Variants in FMR1 observed in about 807,000 individuals in gnomAD.
FMR1 encodes the protein FMRP translational regulator 1.
A neutral mutation model predicts 50.6 loss-of-function variants in FMR1; 13 were observed. The ratio of observed to expected loss-of-function variants is 0.26; its 90% confidence interval spans 0.17 to 0.41. FMR1 has a LOEUF of 0.41. FMR1 is among the 10% of genes least tolerant of loss of function. The probability of loss-of-function intolerance (pLI) is 1.00; values close to 1 mark genes in which losing one functional copy is unlikely to be tolerated. For missense variants in FMR1, 316 were observed against 491.3 expected, an observed-to-expected ratio of 0.64 and a Z score of 3.37; for synonymous variants, 138 against 164.1, an observed-to-expected ratio of 0.84 and a Z score of 1.22.
chrX:147,924,366 T>A (rs1389904553), intron 2 of FMR1, among the ~76,000 whole-genome samples: 5 of 110,415 alleles, frequency 4.5e-5, no homozygotes, highest in Admixed American at 9.7e-5. Context: ...ACAACATATC[T>A]CAGTATCTGC....
At chrX:147,948,495 G>A in intron 16 of FMR1, 188 bp from the exon 17 acceptor site, 8 of 1,077,899 alleles carry the variant, frequency 7.4e-6, no homozygotes, top group Non-Finnish European at 9.6e-6. Context: ...AAGAAGAAGA[G>A]TGTTTTAAAA....
intron 2 of FMR1, among the ~76,000 whole-genome samples, chrX:147,924,515 A>ATTTT (rs35196632): frequency 1.1e-5 from 1 of 88,299 alleles, no homozygotes; most frequent in African/African-American, 4.3e-5. Context: ...ATATATATAT[A>ATTTT]TTTTTTTTTT....
chrX:147,921,857 T>TA (rs2043184790), intron 1 of FMR1, 76 bp from the exon 2 acceptor site: 5 of 625,951 alleles, frequency 8.0e-6, no homozygotes, highest in Non-Finnish European at 1.3e-5. Context: ...AAACGTTTGG[T>TA]ATCACTGTAA....
At chrX:147,925,733 C>T in intron 3 of FMR1, 100 bp downstream of exon 3, 1 of 572,859 alleles carries the variant, frequency 1.7e-6, no homozygotes, top group Non-Finnish European at 3.0e-6. Flanking sequence ...GTTTAAATTA[C>T]TTTGAGAATT....
intron 1 of FMR1, among the ~76,000 whole-genome samples, chrX:147,915,189 GTAT>G (rs1323224788): frequency 9.0e-6 from 1 of 111,725 alleles, no homozygotes; most frequent in Non-Finnish European, 1.9e-5. Flanking sequence ...TTGGTTAGTA[GTAT>G]TATGGCAGCT....
At chrX:147,940,859 A>G (rs1000581178) in intron 13 of FMR1, among the ~76,000 whole-genome samples, 197 bp downstream of exon 13, 1 of 112,181 alleles carries the variant, frequency 8.9e-6, no homozygotes, top group East Asian at 2.8e-4. Flanking sequence ...AAGTACCAAT[A>G]TACCAGTTTT....
At chrX:147,940,958 A>G (rs2043981410) in intron 13 of FMR1, among the ~76,000 whole-genome samples, 1 of 111,659 alleles carries the variant, frequency 9.0e-6, no homozygotes, top group Non-Finnish European at 1.9e-5. Flanking sequence ...AATCCATTTG[A>G]TCCTTTCTAG....
In FMR1 at chrX:147,921,408, G is replaced by C. The variant is rs540853502; in HGVS notation, c.52-525G>C. On this transcript the variant is annotated intron_variant, in intron 1 of 16. Transcript: ENST00000370475. ...TCAACTCTAGTAACTGGACTTTTTAGTGTTGTTTGCAGCATATGATTGTTA... is the reference window on the plus strand; with the variant it reads ...TCAACTCTAGTAACTGGACTTTTTACTGTTGTTTGCAGCATATGATTGTTA... Among the ~76,000 whole-genome samples, 19 of 110,839 alleles carry C rather than the reference G, an allele frequency of 1.7e-4. No individual in the cohort carries two copies. In the South Asian group the frequency reaches 4.9e-3, roughly 28 times the overall value.
Position 147,932,615 on chromosome X carries a change from GT to G in FMR1, c.801+29del, listed in dbSNP as rs36122297. 1.7e-5 allele frequency: 20 copies of G among 1,186,819 alleles called. No homozygotes were observed. Among genetic ancestry groups the G allele is most frequent in the Middle Eastern group, 2.3e-4 (1 of 4,291 alleles). ...GGAGAGGTAAATATTTTACTGCATA[GT>G]TTTTTTTTCCCCAAACAAGTATTTC... is the stretch of plus-strand genomic sequence containing the variant. On this transcript the variant is annotated intron_variant, in intron 8 of 16. Coordinates refer to ENST00000370475, the MANE Select transcript of FMR1 (RefSeq NM_002024.6).
chrX:147,920,618 C>T (rs956466047), intron 1 of FMR1, among the ~76,000 whole-genome samples: 3 of 111,673 alleles, frequency 2.7e-5, no homozygotes, highest in African/African-American at 6.5e-5. Flanking sequence ...GCAGTATATC[C>T]GTAAATGAAG....
chrX:147,913,432 A>AT (rs1367435612), intron 1 of FMR1: 1 of 112,147 alleles, frequency 8.9e-6, no homozygotes, highest in Non-Finnish European at 1.9e-5. Context: ...TTTTGGCAAT[A>AT]GAAGGTGCGT....
At chrX:147,944,620 A>C (rs782618040) in intron 14 of FMR1, 1 of 1,009,743 alleles carries the variant, frequency 9.9e-7, no homozygotes, top group East Asian at 4.0e-5. Context: ...TTAGGTGGCT[A>C]ATAACATACC....
At position 147,950,776 on chromosome X, in the gene FMR1, A is replaced by G. The variant is rs1557183580; in HGVS notation, c.*1932A>G. The G allele has an allele frequency of 3.2e-6, 1 of 310,821 alleles. No individual in the cohort carries two copies. Among genetic ancestry groups the G allele is most frequent in the African/African-American group, 2.7e-5 (1 of 36,847 alleles). 25.6% of individuals were successfully genotyped at this position (310,821 alleles called of 1,213,427 possible). A position where few individuals can be genotyped will look rare whatever the true frequency, so the allele number is the denominator to read the frequency against. The stretch of plus-strand genomic sequence containing the variant: ...CGTCATAGGAAGTTAGCCTTTATCT[A>G]CCAACTTTCAAGAACTTGTTTAATA... On this transcript the variant is annotated 3_prime_UTR_variant, in exon 17 of 17. Coordinates refer to ENST00000370475, the MANE Select transcript of FMR1 (RefSeq NM_002024.6).
intron 16 of FMR1, 35 bp downstream of exon 16, chrX:147,945,651 T>C (rs2044146965): frequency 1.0e-6 from 1 of 973,555 alleles, no homozygotes; most frequent in Non-Finnish European, 1.5e-6. Flanking sequence ...TCTTAATTGT[T>C]TGAATATGGT....
At chrX:147,948,631 C>T (rs2044254092) in intron 16 of FMR1, 52 bp from the exon 17 acceptor site, 2 of 1,209,231 alleles carry the variant, frequency 1.7e-6, no homozygotes, top group East Asian at 5.9e-5. Flanking sequence ...AGGCCAATTA[C>T]AGATTACAGT....
At chrX:147,943,743 A>G (rs2044083798) in intron 14 of FMR1, 1 of 129,169 alleles carries the variant, frequency 7.7e-6, no homozygotes, top group African/African-American at 3.2e-5. Flanking sequence ...ATTTTGAGTG[A>G]CATGGCCAAA....
intron 14 of FMR1, chrX:147,943,996 T>C (rs2044091724): frequency 5.9e-6 from 1 of 170,833 alleles, no homozygotes; most frequent in Non-Finnish European, 9.3e-6. Context: ...GGAAAAGCCT[T>C]CAAGATCCAC....
At chrX:147,924,707 A>G (rs1415724478) in intron 2 of FMR1, among the ~76,000 whole-genome samples, 7 of 102,882 alleles carry the variant, frequency 6.8e-5, no homozygotes, top group African/African-American at 2.5e-4. Flanking sequence ...TGTTGTAAAG[A>G]TCAGGTCTTA....
At chrX:147,940,165 A>AAAAAAAAAAAAAAACAAAAAAG (rs2043947189) in intron 12 of FMR1, 1 of 112,147 alleles carries the variant, frequency 8.9e-6, no homozygotes, top group African/African-American at 3.4e-5. Context: ...CGTCTCAAAA[A>AAAAAAAAAAAAAAACAAAAAAG]AAAAAAAAAA....
Sources: gnomAD v4.1 joint callset for allele counts (sites outside exome capture counted in the v4.1 genomes callset) on GRCh38, gnomAD v4.1.1 for gene constraint, MANE v1.5 for transcripts, NCBI Gene and HGNC (gene_info 2026-07-23, HGNC 2026-07-21) for gene names.